Variants in SNX30 observed in about 807,000 individuals in gnomAD.
The protein encoded by SNX30 is sorting nexin family member 30, also known as sorting nexin-30.
In SNX30, 24 loss-of-function variants were observed where a neutral mutation model predicts 46.4. That is an observed-to-expected ratio of 0.52 (90% CI 0.37 to 0.73). The LOEUF is 0.73. Among genes scored for constraint, SNX30 ranks in the 30% least tolerant of loss-of-function variants. SNX30 has a pLI of 0.00. For synonymous variants in SNX30, 189 were observed against 211.5 expected (o/e 0.89, Z 0.92); for missense variants, 533 against 555.7 (o/e 0.96, Z 0.41).
chr9:112,844,594 G>T (rs1333161252), intron 6 of SNX30, among the ~76,000 whole-genome samples: 1 of 152,208 alleles, frequency 6.6e-6, no homozygotes, highest in African/African-American at 2.4e-5. Context: ...GGTGTGGCAG[G>T]AGGGAAGAAG....
rs1839261363 is a variant in SNX30 at position 112,750,870 on chromosome 9, C to T, written c.-132C>T. 3.6e-6 allele frequency: 3 copies of T among 830,234 alleles called. No homozygotes were observed. The highest frequency in any genetic ancestry group is 1.1e-4 in the Admixed American group (2 of 17,856). The allele number at this position is 830,234 out of a possible 1,614,324, so 51.4% of individuals were successfully genotyped here. On this transcript the variant is annotated 5_prime_UTR_variant, in exon 1 of 9. Coordinates refer to ENST00000374232, the MANE Select transcript of SNX30 (RefSeq NM_001012994.2). The stretch of plus-strand genomic sequence containing the variant: ...GAGACCAGCCGGCGGGTGGCGGCGG[C>T]CCCCAGCACGGCCGGTGCAAGGCCT...
At chr9:112,842,992 T>C (rs751825811) in intron 6 of SNX30, among the ~76,000 whole-genome samples, 1 of 152,216 alleles carries the variant, frequency 6.6e-6, no homozygotes, top group Non-Finnish European at 1.5e-5. Context: ...AGCCCTTACA[T>C]AGGATTTCAC....
At chr9:112,830,177 T>C (rs570333479) in intron 3 of SNX30, among the ~76,000 whole-genome samples, 145 of 152,298 alleles carry the variant, frequency 9.5e-4, no homozygotes, top group Non-Finnish European at 1.8e-3. Context: ...TAAAGGAAAT[T>C]ACGTTTTAAA....
chr9:112,838,189 G>A (rs902715046), intron 5 of SNX30, among the ~76,000 whole-genome samples: 3 of 152,128 alleles, frequency 2.0e-5, no homozygotes, highest in African/African-American at 7.2e-5. Context: ...CACCAGGCCA[G>A]CGAGTGGTTA....
chr9:112,808,532 T>C (rs1046095747), intron 2 of SNX30, among the ~76,000 whole-genome samples: 1 of 152,234 alleles, frequency 6.6e-6, no homozygotes, highest in African/African-American at 2.4e-5. Flanking sequence ...CAGCTAGTTA[T>C]TGGACACTTA....
At chr9:112,876,886 C>T (rs932774729), downstream of SNX30, among the ~76,000 whole-genome samples, 20 of 147,498 alleles carry the variant, frequency 1.4e-4, 1 homozygote, top group Admixed American at 3.4e-4. Context: ...CAGTGAGCTG[C>T]GATTGCACCA....
chr9:112,756,064 A>T (rs891304680), intron 1 of SNX30, among the ~76,000 whole-genome samples: 1 of 152,204 alleles, frequency 6.6e-6, no homozygotes, highest in Non-Finnish European at 1.5e-5. Context: ...CAATGTGTGT[A>T]TATAAAGAGT....
chr9:112,857,497 G>C (rs1841153617), intron 7 of SNX30, among the ~76,000 whole-genome samples: 1 of 152,164 alleles, frequency 6.6e-6, no homozygotes, highest in South Asian at 2.1e-4. Context: ...GCCAGTTAGG[G>C]AGCCCTGTCC....
chr9:112,836,111 A>T, intron 4 of SNX30, 103 bp from the exon 5 acceptor site: 1 of 1,124,306 alleles, frequency 8.9e-7, no homozygotes, highest in Non-Finnish European at 1.3e-6. Flanking sequence ...TTGTTTCCCG[A>T]GTTCTCCATT....
At chr9:112,846,079 A>G (rs1224490644) in intron 6 of SNX30, among the ~76,000 whole-genome samples, 4 of 152,252 alleles carry the variant, frequency 2.6e-5, no homozygotes, top group African/African-American at 9.6e-5. Context: ...AAAAATTAAT[A>G]GAAGAGTTAG....
intron 3 of SNX30, among the ~76,000 whole-genome samples, chr9:112,822,510 G>A (rs1318711062): frequency 6.9e-5 from 9 of 130,620 alleles, no homozygotes; most frequent in Non-Finnish European, 1.5e-4. Flanking sequence ...ACCTTCACAA[G>A]TTTTCTTTTG....
At chr9:112,878,908 T>C (rs745759318), downstream of SNX30, 3 of 152,218 alleles carry the variant, frequency 2.0e-5, no homozygotes, top group Non-Finnish European at 4.4e-5. Flanking sequence ...GAAGGAACGA[T>C]TCACACACTC....
intron 2 of SNX30, among the ~76,000 whole-genome samples, chr9:112,806,213 C>T (rs1347619429): frequency 1.3e-5 from 2 of 152,132 alleles, no homozygotes; most frequent in East Asian, 3.9e-4. Context: ...CAGACATTGC[C>T]AAATGTTCCC....
rs1195223287 is a variant in SNX30 at position 112,761,288 on chromosome 9, G to C, written c.156+10131G>C. Among the ~76,000 whole-genome samples, 3 of 152,066 alleles carry C rather than the reference G, an allele frequency of 2.0e-5. No homozygotes were observed. The East Asian group carries it at 5.8e-4, about 29-fold the overall frequency. On this transcript the variant is annotated intron_variant, in intron 1 of 8. Transcript: ENST00000374232. ...AGCGATTCTCCTGCCTCAGCCTCCCGAGTAGCTGGGATTACAGGTGCATGC... is the reference window on the plus strand; with the variant it reads ...AGCGATTCTCCTGCCTCAGCCTCCCCAGTAGCTGGGATTACAGGTGCATGC...
intron 8 of SNX30, among the ~76,000 whole-genome samples, chr9:112,865,653 ATATATATATG>A (rs1277605055): frequency 5.4e-5 from 6 of 110,448 alleles, no homozygotes; most frequent in African/African-American, 2.3e-4. Context: ...ATATATATAT[ATATATATATG>A]TATGTATGTA....
At chr9:112,876,212 T>C (rs75798099), downstream of SNX30, among the ~76,000 whole-genome samples, 3,052 of 152,046 alleles carry the variant, frequency 0.02, 169 homozygotes, top group South Asian at 0.18. Flanking sequence ...GAGGTGAAAA[T>C]AGCCGATTTA....
At chr9:112,765,492 C>G (rs886817371) in intron 1 of SNX30, among the ~76,000 whole-genome samples, 1 of 152,194 alleles carries the variant, frequency 6.6e-6, no homozygotes, top group African/African-American at 2.4e-5. Context: ...AATCTGCCAT[C>G]TGTCTCTGGA....
In SNX30 at chr9:112,866,736, C is replaced by G. The variant is rs145951173; in HGVS notation, c.1255-2048C>G. Among the ~76,000 whole-genome samples, 490 of 151,476 alleles carry G rather than the reference C, an allele frequency of 3.2e-3. 2 individuals are homozygous for G. The highest frequency in any genetic ancestry group is 0.011 in the African/African-American group (467 of 41,178). On this transcript the variant is annotated intron_variant, in intron 8 of 8. Coordinates refer to ENST00000374232, the MANE Select transcript of SNX30 (RefSeq NM_001012994.2). ...TTCCTCCCACCTCCTCAGAACTCCT[C>G]CCACATCCTCAGAACTCCTCCTGCC... is the stretch of plus-strand genomic sequence containing the variant.
At chr9:112,817,599 A>G in intron 2 of SNX30, 106 bp from the exon 3 acceptor site, 1 of 677,810 alleles carries the variant, frequency 1.5e-6, no homozygotes, top group East Asian at 2.7e-5. Context: ...GGTGGAAGGA[A>G]AATATGATCT....
Sources: gnomAD v4.1 joint callset for allele counts (sites outside exome capture counted in the v4.1 genomes callset) on GRCh38, gnomAD v4.1.1 for gene constraint, MANE v1.5 for transcripts, NCBI Gene and HGNC (gene_info 2026-07-23, HGNC 2026-07-21) for gene names.